The following GABRA3 variants were observed in gnomAD, a reference collection of about 807,000 sequenced individuals.
The protein encoded by GABRA3 is gamma-aminobutyric acid type A receptor subunit alpha3.
GABRA3 carries 10 observed loss-of-function variants against 30.1 expected under a neutral mutation model. The ratio of observed to expected loss-of-function variants is 0.33; its 90% CI spans 0.20 to 0.56. GABRA3 has a LOEUF of 0.56. Among genes scored for constraint, GABRA3 ranks in the 20% least tolerant of loss-of-function variants. GABRA3 has a pLI of 0.89. For missense variants in GABRA3, 233 were observed against 392.0 expected (o/e 0.59, Z 3.42); for synonymous variants, 151 against 146.8 (o/e 1.03, Z -0.21).
intron 1 of GABRA3, among the ~76,000 whole-genome samples, chrX:152,413,206 G>C (rs1181622997): frequency 2.7e-5 from 3 of 109,922 alleles, no homozygotes; most frequent in African/African-American, 9.9e-5. Flanking sequence ...AGACCAGATG[G>C]CTTCACTAGA....
intron 1 of GABRA3, among the ~76,000 whole-genome samples, chrX:152,394,038 T>A (rs750076197): frequency 1.8e-5 from 2 of 111,246 alleles, no homozygotes; most frequent in East Asian, 5.7e-4. Context: ...CATTGTCATG[T>A]CATCATCATC....
At chrX:152,377,622 A>G (rs1377985637) in intron 1 of GABRA3, among the ~76,000 whole-genome samples, 2 of 111,418 alleles carry the variant, frequency 1.8e-5, no homozygotes, top group Non-Finnish European at 3.8e-5. Flanking sequence ...ATAAGAGAGA[A>G]AAAAAAACAA....
At chrX:152,331,450 A>G (rs149566425) in intron 3 of GABRA3, among the ~76,000 whole-genome samples, 4 of 111,475 alleles carry the variant, frequency 3.6e-5, no homozygotes, top group Non-Finnish European at 7.5e-5. Flanking sequence ...ACATCTTATG[A>G]TTTTACAGGC....
At position 152,364,483 on chromosome X, in the gene GABRA3, C is replaced by T; in HGVS notation, c.88G>A (p.Gly30Arg). ...INILPGTTGQGESRRQEPGDF... is the reference protein window; with the variant it reads ...INILPGTTGQRESRRQEPGDF... ...CCGGGTTCTTGTCGTCTTGATTCCCCTTGACCAGTGGTTCCAGGGAGAATA... is the reference window on the plus strand; with the variant it reads ...CCGGGTTCTTGTCGTCTTGATTCCCTTTGACCAGTGGTTCCAGGGAGAATA... Residue 30 changes from glycine to arginine, a missense_variant, in exon 2 of 10, where the codon GGG (glycine) becomes AGG (arginine). Around this residue, in one of 6 missense-constraint regions of GABRA3, gnomAD observed 69 missense variants for 79.4 expected, o/e 0.87. Coordinates refer to ENST00000370314, the MANE Select transcript of GABRA3 (RefSeq NM_000808.4). 1 of 1,209,791 alleles carries T rather than the reference C, an allele frequency of 8.3e-7. No individual in the cohort carries two copies. The highest frequency in any genetic ancestry group is 1.1e-6 in the Non-Finnish European group (1 of 894,218).
chrX:152,348,582 C>A (rs1165934872), intron 2 of GABRA3, among the ~76,000 whole-genome samples: 8 of 111,460 alleles, frequency 7.2e-5, no homozygotes, highest in Non-Finnish European at 1.5e-4. Context: ...GAATTTAGTT[C>A]TGTCTCTGCC....
intron 1 of GABRA3, among the ~76,000 whole-genome samples, chrX:152,437,942 C>T (rs1375975169): frequency 8.9e-6 from 1 of 111,768 alleles, no homozygotes; most frequent in Non-Finnish European, 1.9e-5. Flanking sequence ...AAAGAATGAT[C>T]CATGAAAGTA....
At chrX:152,237,343 C>G (rs1409283570) in intron 5 of GABRA3, among the ~76,000 whole-genome samples, 1 of 107,557 alleles carries the variant, frequency 9.3e-6, no homozygotes, top group Non-Finnish European at 1.9e-5. Flanking sequence ...CTGTTCTGTT[C>G]CATTGATCTA....
chrX:152,312,932 T>C (rs1163532609), intron 3 of GABRA3, among the ~76,000 whole-genome samples: 3 of 111,624 alleles, frequency 2.7e-5, no homozygotes, highest in African/African-American at 9.8e-5. Context: ...CACAATGAGA[T>C]AGCCATTCCG....
intron 3 of GABRA3, among the ~76,000 whole-genome samples, chrX:152,291,762 G>C (rs1374172203): frequency 1.8e-5 from 2 of 111,669 alleles, no homozygotes; most frequent in Non-Finnish European, 3.8e-5. Flanking sequence ...TGCATCTATT[G>C]AGATAATCAT....
chrX:152,169,551 C>G (rs1165402034), intron 9 of GABRA3, among the ~76,000 whole-genome samples: 2 of 111,837 alleles, frequency 1.8e-5, no homozygotes, highest in Non-Finnish European at 3.8e-5. Flanking sequence ...GGAGACAATG[C>G]TTAGGCCTGG....
intron 3 of GABRA3, among the ~76,000 whole-genome samples, chrX:152,315,539 C>T (rs753440213): frequency 2.7e-5 from 3 of 111,318 alleles, no homozygotes; most frequent in South Asian, 3.8e-4. Flanking sequence ...TGTGCAGATT[C>T]GACAGGTGAG....
chrX:152,446,854 T>A (rs1158611863), intron 1 of GABRA3, among the ~76,000 whole-genome samples: 2 of 112,147 alleles, frequency 1.8e-5, no homozygotes, highest in Non-Finnish European at 3.8e-5. Flanking sequence ...GCATTCAGTA[T>A]GATTGACAGT....
At chrX:152,412,797 C>T (rs1930105147) in intron 1 of GABRA3, among the ~76,000 whole-genome samples, 1 of 110,467 alleles carries the variant, frequency 9.1e-6, no homozygotes, top group Non-Finnish European at 1.9e-5. Context: ...GATGGTTGCA[C>T]AACAATGTGA....
At chrX:152,220,676 G>A (rs765600233) in intron 6 of GABRA3, among the ~76,000 whole-genome samples, 8 of 111,688 alleles carry the variant, frequency 7.2e-5, no homozygotes, top group Non-Finnish European at 1.5e-4. Flanking sequence ...TATCAGTAGC[G>A]CATGAGAGTC....
At chrX:152,281,274 G>C (rs1185856855) in intron 4 of GABRA3, among the ~76,000 whole-genome samples, 1 of 111,524 alleles carries the variant, frequency 9.0e-6, no homozygotes, top group Non-Finnish European at 1.9e-5. Flanking sequence ...ATCTGATGGA[G>C]AAAATGGTCT....
At chrX:152,442,431 A>G (rs1329547143) in intron 1 of GABRA3, among the ~76,000 whole-genome samples, 1 of 109,698 alleles carries the variant, frequency 9.1e-6, no homozygotes, top group Non-Finnish European at 1.9e-5. Flanking sequence ...ATACATTTAT[A>G]ATAATAAATT....
Position 152,189,757 on chromosome X carries a change from C to T in GABRA3, c.1116G>A (p.Lys372=). 8.3e-7 allele frequency: 1 copy of T among 1,209,518 alleles called. No individual in the cohort carries two copies. Among genetic ancestry groups the T allele is most frequent in the East Asian group, 3.0e-5 (1 of 33,826 alleles). Residue 372 remains lysine, a synonymous_variant, in exon 9 of 10, where the codon AAG becomes AAA. Coordinates refer to ENST00000370314, the MANE Select transcript of GABRA3 (RefSeq NM_000808.4). ...FTKRSWAWEG[K]KVPEALEMKK... is the part of the protein sequence containing the mutation. The stretch of plus-strand genomic sequence containing the variant: ...TCATCTCCAGGGCCTCTGGCACCTT[C>T]TTGCCTTCCCAAGCCCAACTCCGCT...
chrX:152,234,051 T>G (rs1263109851), intron 5 of GABRA3, among the ~76,000 whole-genome samples: 3 of 40,414 alleles, frequency 7.4e-5, no homozygotes, highest in Non-Finnish European at 1.3e-4. Context: ...TGTTGTGGGG[T>G]GGGGGGAGGG....
At chrX:152,342,251 AT>A (rs1252868798) in intron 3 of GABRA3, among the ~76,000 whole-genome samples, 45 of 112,437 alleles carry the variant, frequency 4.0e-4, no homozygotes, top group African/African-American at 1.5e-3. Flanking sequence ...TTCCCTGATG[AT>A]TAGTGATGTT....
Sources: gnomAD v4.1 joint callset for allele counts (sites outside exome capture counted in the v4.1 genomes callset) on GRCh38, gnomAD v4.1.1 for gene constraint, gnomAD v4.1.1 regional missense constraint, MANE v1.5 for transcripts, NCBI Gene and HGNC (gene_info 2026-07-23, HGNC 2026-07-21) for gene names.